Variants in RASSF8 observed in about 807,000 individuals in gnomAD.
RASSF8 encodes ras association domain-containing protein 8.
A neutral mutation model predicts 48.5 loss-of-function variants in RASSF8; 22 were observed. That is an observed-to-expected ratio of 0.45 (90% CI 0.32 to 0.65). RASSF8 has a LOEUF of 0.65. RASSF8 is among the 30% of genes least tolerant of loss of function. The pLI is 0.03. For missense variants in RASSF8, 418 were observed against 489.2 expected (o/e 0.85, Z 1.37); for synonymous variants, 127 against 171.5 (o/e 0.74, Z 2.03).
chr12:26,066,251 T>TA (rs1316491623), intron 4 of RASSF8, among the ~76,000 whole-genome samples: 3 of 152,142 alleles, frequency 2.0e-5, no homozygotes, highest in Non-Finnish European at 4.4e-5. Flanking sequence ...GTTTAGAGCT[T>TA]ACGATTCAAA....
At chr12:26,026,821 T>G (rs1170143823) in intron 2 of RASSF8, among the ~76,000 whole-genome samples, 1 of 152,206 alleles carries the variant, frequency 6.6e-6, no homozygotes, top group African/African-American at 2.4e-5. Flanking sequence ...ACAGCTACCT[T>G]GAAAAACAGT....
intron 2 of RASSF8, among the ~76,000 whole-genome samples, chr12:26,007,099 C>T (rs868255224): frequency 6.6e-6 from 1 of 151,822 alleles, no homozygotes; most frequent in Non-Finnish European, 1.5e-5. Flanking sequence ...AGGGGTTGGC[C>T]GGAGGGAGGA....
intron 3 of RASSF8, among the ~76,000 whole-genome samples, chr12:26,058,620 A>C (rs1051508968): frequency 1.3e-5 from 2 of 152,210 alleles, no homozygotes; most frequent in African/African-American, 2.4e-5. Flanking sequence ...AATTATTTTT[A>C]GGAAACCATA....
At chr12:26,024,891 A>T (rs1942871478) in intron 2 of RASSF8, among the ~76,000 whole-genome samples, 1 of 152,152 alleles carries the variant, frequency 6.6e-6, no homozygotes, top group African/African-American at 2.4e-5. Flanking sequence ...TGGGAGGCGG[A>T]GCTTGCAGTG....
chr12:25,960,979 T>A (rs1181149242), intron 1 of RASSF8, among the ~76,000 whole-genome samples: 1 of 152,250 alleles, frequency 6.6e-6, no homozygotes, highest in Admixed American at 6.5e-5. Context: ...ATTACAGATT[T>A]AAAATTCGAC....
intron 3 of RASSF8, among the ~76,000 whole-genome samples, chr12:26,059,669 AAT>A (rs1473206124): frequency 5.9e-5 from 9 of 152,174 alleles, no homozygotes; most frequent in East Asian, 1.9e-4. Context: ...TATTTATAAC[AAT>A]AGTCTAATTT....
chr12:26,018,629 G>A (rs547770760), intron 2 of RASSF8, among the ~76,000 whole-genome samples: 4 of 152,288 alleles, frequency 2.6e-5, no homozygotes, highest in African/African-American at 7.2e-5. Flanking sequence ...CAGAAAGGGG[G>A]TGTAGGTGAC....
At chr12:26,073,754 C>T (rs1430691290), downstream of RASSF8, among the ~76,000 whole-genome samples, 4,594 of 112,560 alleles carry the variant, frequency 0.041, 108 homozygotes, top group East Asian at 0.067. Flanking sequence ...TCTATACACA[C>T]ACACACACAC....
intron 3 of RASSF8, among the ~76,000 whole-genome samples, chr12:26,056,917 T>G (rs1212908844): frequency 6.6e-6 from 1 of 152,220 alleles, no homozygotes; most frequent in Admixed American, 6.5e-5. Context: ...TTATGTGAAT[T>G]AAAATATACA....
chr12:25,974,986 G>C (rs1941571346), intron 1 of RASSF8, among the ~76,000 whole-genome samples: 1 of 152,156 alleles, frequency 6.6e-6, no homozygotes, highest in Admixed American at 6.5e-5. Flanking sequence ...GTTAAAAGAG[G>C]GGCCTTTAAA....
intron 2 of RASSF8, among the ~76,000 whole-genome samples, chr12:26,044,968 G>T: frequency 6.6e-6 from 1 of 152,078 alleles, no homozygotes. Flanking sequence ...TTCAAATTTG[G>T]CTACACTGAA....
chr12:26,005,097 T>C (rs1216986869), intron 2 of RASSF8, among the ~76,000 whole-genome samples: 1 of 152,174 alleles, frequency 6.6e-6, no homozygotes, highest in Non-Finnish European at 1.5e-5. Context: ...TTTCTTGGGT[T>C]TCTCTGCAGA....
chr12:26,036,778 G>C (rs1321432194), intron 2 of RASSF8, among the ~76,000 whole-genome samples: 1 of 151,896 alleles, frequency 6.6e-6, no homozygotes, highest in Non-Finnish European at 1.5e-5. Flanking sequence ...TAAAAAATTA[G>C]CCAGGCTTGG....
intron 3 of RASSF8, among the ~76,000 whole-genome samples, chr12:26,060,176 T>C (rs1043510772): frequency 6.6e-6 from 1 of 152,148 alleles, no homozygotes; most frequent in Non-Finnish European, 1.5e-5. Flanking sequence ...GGATTACAGA[T>C]GTGAGCCACC....
At chr12:25,999,441 A>G (rs1204146467) in intron 2 of RASSF8, among the ~76,000 whole-genome samples, 4 of 152,200 alleles carry the variant, frequency 2.6e-5, no homozygotes, top group Admixed American at 2.6e-4. Context: ...TGCTGTTATC[A>G]GTAGTGTCTA....
At chr12:25,958,648 G>GGCCCGGCCCC (rs1439991830), upstream of RASSF8, 2 of 143,408 alleles carry the variant, frequency 1.4e-5, no homozygotes, top group Non-Finnish European at 3.1e-5. Context: ...GGCCCGGCCC[G>GGCCCGGCCCC]GCCCGGCCCG....
In RASSF8 at chr12:25,978,897, C is replaced by T. The variant is rs538948935; in HGVS notation, c.-202-16140C>T. The stretch of plus-strand genomic sequence containing the variant: ...ATAGGGAAGAGAGGATGTTTCTTGC[C>T]CACTATTGGATGTTAGAATAGGTAG... On this transcript the variant is annotated intron_variant, in intron 1 of 5. Coordinates refer to ENST00000689635, the MANE Select transcript of RASSF8 (RefSeq NM_001394098.1). 2.6e-5 allele frequency among the ~76,000 whole-genome samples: 4 copies of T among 151,946 alleles called. No individual in the cohort carries two copies. The East Asian group carries it at 7.8e-4, about 30-fold the overall frequency.
intron 2 of RASSF8, among the ~76,000 whole-genome samples, chr12:25,995,609 G>A (rs1326803979): frequency 6.6e-6 from 1 of 152,120 alleles, no homozygotes; most frequent in East Asian, 1.9e-4. Context: ...CCTTTAGCTT[G>A]TGTTTCCATT....
intron 2 of RASSF8, among the ~76,000 whole-genome samples, chr12:26,029,724 G>A (rs1037169796): frequency 1.3e-5 from 2 of 151,934 alleles, no homozygotes; most frequent in African/African-American, 4.8e-5. Context: ...TTCTCTGTTG[G>A]TTTAAATGTT....
Sources: gnomAD v4.1 joint callset for allele counts (sites outside exome capture counted in the v4.1 genomes callset) on GRCh38, gnomAD v4.1.1 for gene constraint, MANE v1.5 for transcripts, NCBI Gene and HGNC (gene_info 2026-07-23, HGNC 2026-07-21) for gene names.